TSHZ2: variants seen among roughly 807,000 people sequenced by gnomAD.
The protein encoded by TSHZ2 is teashirt homolog 2.
TSHZ2 carries 21 observed loss-of-function variants against 74.4 expected under a neutral mutation model. That is an observed-to-expected ratio of 0.28 (90% CI 0.20 to 0.41). The LOEUF (loss-of-function observed/expected upper bound fraction) is 0.41, where lower values mean the gene tolerates loss of function less well. Among genes scored for constraint, TSHZ2 ranks in the 10% least tolerant of loss-of-function variants. The pLI, the probability that TSHZ2 is intolerant of heterozygous loss-of-function variation, is 1.00. For synonymous variants in TSHZ2, 540 were observed against 515.3 expected (o/e 1.05, Z -0.65); for missense variants, 1,244 against 1,293.5 (o/e 0.96, Z 0.59).
At chr20:53,013,791 A>T (rs1777406223) in intron 1 of TSHZ2, among the ~76,000 whole-genome samples, 1 of 152,194 alleles carries the variant, frequency 6.6e-6, no homozygotes. Flanking sequence ...ATAGCTTTCT[A>T]TTGCCTATGT....
intron 2 of TSHZ2, among the ~76,000 whole-genome samples, chr20:53,473,903 A>G (rs7361251): frequency 0.2 from 30,561 of 151,990 alleles, 3,215 homozygotes; most frequent in East Asian, 0.29. Context: ...AAGAAAGGGT[A>G]TCAGCGATGG....
chr20:53,314,165 A>G (rs950569547), intron 2 of TSHZ2, among the ~76,000 whole-genome samples: 1 of 151,944 alleles, frequency 6.6e-6, no homozygotes, highest in African/African-American at 2.4e-5. Flanking sequence ...ATGGGTGCCT[A>G]TAGTCCCAAC....
At chr20:53,133,192 A>G (rs1366592252) in intron 1 of TSHZ2, among the ~76,000 whole-genome samples, 1 of 152,146 alleles carries the variant, frequency 6.6e-6, no homozygotes, top group Non-Finnish European at 1.5e-5. Flanking sequence ...GCTTCAGTTC[A>G]TTCCATTTTG....
rs555992754 is a variant in TSHZ2 at position 53,365,870 on chromosome 20, C to T, written c.*8+109299C>T. 2.0e-5 allele frequency among the ~76,000 whole-genome samples: 3 copies of T among 152,338 alleles called. No individual in the cohort carries two copies. In the East Asian group the frequency reaches 5.8e-4, roughly 29 times the overall value. ...TCAAATCCCTGCTAGTCTGATGGTC[C>T]AGAGATCCTTCTTTTTCCAGAGAGC... On this transcript the variant is annotated intron_variant, in intron 2 of 2. Coordinates refer to ENST00000371497, the MANE Select transcript of TSHZ2 (RefSeq NM_173485.6).
intron 2 of TSHZ2, among the ~76,000 whole-genome samples, chr20:53,324,701 CT>C (rs1247549227): frequency 6.6e-6 from 1 of 152,204 alleles, no homozygotes; most frequent in Non-Finnish European, 1.5e-5. Context: ...CCGTGAAGAC[CT>C]TGCTGACCTC....
intron 2 of TSHZ2, among the ~76,000 whole-genome samples, chr20:53,353,296 G>A (rs1439445879): frequency 6.6e-6 from 1 of 152,128 alleles, no homozygotes; most frequent in African/African-American, 2.4e-5. Context: ...GATTAAGGGA[G>A]GAATGAAGTC....
At chr20:53,366,476 T>A (rs959011934) in intron 2 of TSHZ2, among the ~76,000 whole-genome samples, 1 of 152,234 alleles carries the variant, frequency 6.6e-6, no homozygotes, top group African/African-American at 2.4e-5. Flanking sequence ...AACATGATGA[T>A]ACCATTTCGG....
intron 2 of TSHZ2, among the ~76,000 whole-genome samples, chr20:53,419,921 G>C (rs1209308046): frequency 6.6e-6 from 1 of 152,206 alleles, no homozygotes; most frequent in African/African-American, 2.4e-5. Flanking sequence ...TGCTGAGCCA[G>C]GCAGCTGACA....
intron 1 of TSHZ2, among the ~76,000 whole-genome samples, chr20:52,989,386 C>A (rs1205077563): frequency 6.6e-6 from 1 of 151,866 alleles, no homozygotes; most frequent in Non-Finnish European, 1.5e-5. Flanking sequence ...TTAATGTTTT[C>A]TTTGTTAGTA....
At chr20:52,984,625 G>A (rs143958256) in intron 1 of TSHZ2, among the ~76,000 whole-genome samples, 51 of 152,256 alleles carry the variant, frequency 3.3e-4, no homozygotes, top group African/African-American at 1.2e-3. Flanking sequence ...GGCTGTCACC[G>A]AGGTGGGGTG....
chr20:53,262,729 AC>A (rs1039213894), intron 2 of TSHZ2, among the ~76,000 whole-genome samples: 4 of 152,230 alleles, frequency 2.6e-5, no homozygotes, highest in African/African-American at 9.6e-5. Context: ...TGTTAAGGGT[AC>A]CAAAATAGAA....
chr20:53,237,129 A>G (rs1989959715), intron 1 of TSHZ2, among the ~76,000 whole-genome samples: 2 of 152,228 alleles, frequency 1.3e-5, no homozygotes, highest in East Asian at 1.9e-4. Flanking sequence ...AACAACTCAC[A>G]TGAGATCCTT....
At chr20:53,097,476 C>A (rs1230641755) in intron 1 of TSHZ2, among the ~76,000 whole-genome samples, 1 of 152,192 alleles carries the variant, frequency 6.6e-6, no homozygotes, top group Non-Finnish European at 1.5e-5. Flanking sequence ...TGTCTCAAGA[C>A]TCCTAGATCA....
At position 53,180,138 on chromosome 20, in the gene TSHZ2, T is replaced by C. The variant is rs535008808; in HGVS notation, c.41-73361T>C. Among the ~76,000 whole-genome samples, 4 of 152,196 alleles carry C rather than the reference T, an allele frequency of 2.6e-5. No homozygotes were observed. In the South Asian group the frequency reaches 8.3e-4, roughly 32 times the overall value. Reference sequence around the variant, plus strand: ...ATTACTTCAGTAGCTTCAGAGATTCTGTGACAAAAGAAAGAGATTGGGAGA... The same window carrying C: ...ATTACTTCAGTAGCTTCAGAGATTCCGTGACAAAAGAAAGAGATTGGGAGA... On this transcript the variant is annotated intron_variant, in intron 1 of 2. Coordinates refer to ENST00000371497, the MANE Select transcript of TSHZ2 (RefSeq NM_173485.6).
At chr20:52,973,580 C>T (rs1337171238) in intron 1 of TSHZ2, among the ~76,000 whole-genome samples, 1 of 152,192 alleles carries the variant, frequency 6.6e-6, no homozygotes, top group African/African-American at 2.4e-5. Context: ...TTTCCTCCAC[C>T]CTCTACCCCA....
chr20:53,334,513 C>T (rs1003407756), intron 2 of TSHZ2, among the ~76,000 whole-genome samples: 20 of 152,004 alleles, frequency 1.3e-4, no homozygotes, highest in Admixed American at 1.3e-4. Flanking sequence ...CAGGGCACTG[C>T]GGTCAAAGAG....
At chr20:53,327,930 C>T (rs1979563653) in intron 2 of TSHZ2, among the ~76,000 whole-genome samples, 2 of 152,242 alleles carry the variant, frequency 1.3e-5, no homozygotes, top group Non-Finnish European at 2.9e-5. Flanking sequence ...GGCGAGAGTG[C>T]ACTTTGCATT....
At chr20:53,293,700 CAAAAAAA>C (rs11476117) in intron 2 of TSHZ2, among the ~76,000 whole-genome samples, 1 of 120,268 alleles carries the variant, frequency 8.3e-6, no homozygotes, top group Non-Finnish European at 1.7e-5. Flanking sequence ...AACTGGCTCT[CAAAAAAA>C]AAAAAAAAAA....
chr20:52,973,692 T>C (rs1013575938), intron 1 of TSHZ2, among the ~76,000 whole-genome samples: 5 of 152,146 alleles, frequency 3.3e-5, no homozygotes, highest in Admixed American at 1.3e-4. Flanking sequence ...CCTGCATCCC[T>C]CTGCGTGGTC....
Sources: allele counts gnomAD v4.1 joint callset (sites outside exome capture counted in the v4.1 genomes callset), GRCh38; gene constraint gnomAD v4.1.1; transcripts MANE v1.5; gene names NCBI Gene and HGNC (gene_info 2026-07-23, HGNC 2026-07-21).